The following PAXIP1 variants were observed in gnomAD, a reference collection of about 807,000 sequenced individuals.
PAXIP1 encodes the protein PAX interacting protein 1.
Under a neutral mutation model 140.6 loss-of-function variants are expected in PAXIP1, and 19 were observed. The observed-to-expected ratio is 0.14, with a 90% CI of 0.09 to 0.20. The LOEUF is 0.20. PAXIP1 is among the 10% of genes least tolerant of loss of function. The pLI is 1.00. For synonymous variants in PAXIP1, 442 were observed against 444.6 expected (o/e 0.99, Z 0.07); for missense variants, 920 against 1,208.6 (o/e 0.76, Z 3.54).
chr7:154,952,579 G>A (rs1184980753), intron 16 of PAXIP1, among the ~76,000 whole-genome samples: 1 of 152,162 alleles, frequency 6.6e-6, no homozygotes, highest in Non-Finnish European at 1.5e-5. Context: ...ACAGTGCTGT[G>A]GATCATGAGT....
chr7:154,997,093 C>T (rs1810667209), intron 2 of PAXIP1, among the ~76,000 whole-genome samples: 1 of 152,204 alleles, frequency 6.6e-6, no homozygotes, highest in South Asian at 2.1e-4. Context: ...GAGACAAAAA[C>T]ATGTTCCAAA....
intron 5 of PAXIP1, among the ~76,000 whole-genome samples, chr7:154,978,045 C>T (rs1452578163): frequency 1.3e-5 from 2 of 151,672 alleles, no homozygotes; most frequent in African/African-American, 2.4e-5. Flanking sequence ...TAATAACTGG[C>T]AATCTTTTAC....
intron 3 of PAXIP1, among the ~76,000 whole-genome samples, chr7:154,992,550 G>A (rs1161956588): frequency 2.0e-5 from 3 of 151,080 alleles, no homozygotes; most frequent in African/African-American, 4.9e-5. Flanking sequence ...AGCCGAGATC[G>A]TGCCACTGGA....
intron 6 of PAXIP1, among the ~76,000 whole-genome samples, chr7:154,970,647 A>G (rs1253811422): frequency 6.6e-6 from 1 of 152,244 alleles, no homozygotes; most frequent in East Asian, 1.9e-4. Context: ...CACCCCATGG[A>G]GCCCAGCAGC....
chr7:154,992,966 C>T (rs536877420), intron 3 of PAXIP1, among the ~76,000 whole-genome samples: 1 of 152,316 alleles, frequency 6.6e-6, no homozygotes, highest in Non-Finnish European at 1.5e-5. Flanking sequence ...TAAAATAGAG[C>T]ACATGACATA....
At chr7:154,957,097 C>A in intron 14 of PAXIP1, 127 bp downstream of exon 14, 2 of 550,430 alleles carry the variant, frequency 3.6e-6, no homozygotes, top group Non-Finnish European at 6.5e-6. Context: ...AGTTGTAAAG[C>A]AAAAAGCAAA....
At chr7:154,989,404 T>C (rs1343341640) in intron 4 of PAXIP1, among the ~76,000 whole-genome samples, 1 of 152,206 alleles carries the variant, frequency 6.6e-6, no homozygotes, top group Non-Finnish European at 1.5e-5. Context: ...AACTTGAATG[T>C]GCCCTTTTCT....
intron 1 of PAXIP1, chr7:155,000,271 G>T (rs144548042): frequency 6.6e-6 from 1 of 152,146 alleles, no homozygotes; most frequent in African/African-American, 2.4e-5. Context: ...AAAAAACAGC[G>T]GTCACTGGCC....
intron 6 of PAXIP1, among the ~76,000 whole-genome samples, chr7:154,970,029 C>A (rs919236199): frequency 1.3e-5 from 2 of 152,138 alleles, no homozygotes; most frequent in Non-Finnish European, 2.9e-5. Flanking sequence ...AGGAGAAGGA[C>A]GGTGACCAGC....
chr7:154,976,451 A>G (rs1380952785), intron 5 of PAXIP1, 120 bp from the exon 6 acceptor site: 3 of 1,372,094 alleles, frequency 2.2e-6, no homozygotes, highest in African/African-American at 1.4e-5. Flanking sequence ...AGCAACTATT[A>G]TTACAATTTT....
intron 11 of PAXIP1, 59 bp from the exon 12 acceptor site, chr7:154,961,136 A>G: frequency 7.9e-7 from 1 of 1,261,152 alleles, no homozygotes; most frequent in South Asian, 1.6e-5. Flanking sequence ...CAACTGTCCA[A>G]ATGTACATTT....
Position 154,972,278 on chromosome 7 carries a change from G to T in PAXIP1, c.1075-3152C>A, listed in dbSNP as rs567574049. On this transcript the variant is annotated intron_variant, in intron 6 of 20. Transcript: ENST00000404141. Reference sequence around the variant, plus strand: ...GAGGTAGGCAGATCACCTGAAGTCAGGAGTTCGAGACCAGCCTGGCCAACA... The same window carrying T: ...GAGGTAGGCAGATCACCTGAAGTCATGAGTTCGAGACCAGCCTGGCCAACA... Among the ~76,000 whole-genome samples the T allele has an allele frequency of 4.6e-5, 7 of 152,318 alleles. No homozygotes were observed. In the South Asian group the frequency reaches 1.4e-3, roughly 32 times the overall value.
At chr7:154,947,011 T>C (rs1343402827) in intron 17 of PAXIP1, 198 bp from the exon 18 acceptor site, 3 of 491,042 alleles carry the variant, frequency 6.1e-6, no homozygotes, top group African/African-American at 5.8e-5. Context: ...TGTAAGCATT[T>C]TCACATGTTA....
intron 8 of PAXIP1, among the ~76,000 whole-genome samples, chr7:154,966,277 C>T (rs1328665177): frequency 6.6e-6 from 1 of 152,176 alleles, no homozygotes; most frequent in Non-Finnish European, 1.5e-5. Context: ...CTCCCGAAAT[C>T]ACCCAGACTC....
In PAXIP1 at chr7:154,960,930, T is replaced by C. The variant is rs768331043; in HGVS notation, c.2397A>G (p.Pro799=). Residue 799 remains proline, a synonymous_variant, in exon 12 of 21, where the codon CCA becomes CCG. Coordinates refer to ENST00000404141, the MANE Select transcript of PAXIP1 (RefSeq NM_007349.4). ...SRYTAFSLQD[P]FAPTQHLVLN... is the part of the protein sequence containing the mutation. The stretch of plus-strand genomic sequence containing the variant: ...AAACTAAATGCTGGGTAGGGGCAAA[T>C]GGATCCTGCAGACTGAATGCCGTGT... 4 of 1,600,654 alleles carry C rather than the reference T, an allele frequency of 2.5e-6. No homozygotes were observed. The highest frequency in any genetic ancestry group is 2.6e-6 in the Non-Finnish European group (3 of 1,173,860).
At chr7:154,960,042 A>AC in intron 12 of PAXIP1, 109 bp from the exon 13 acceptor site, 1 of 732,440 alleles carries the variant, frequency 1.4e-6, no homozygotes, top group Admixed American at 2.1e-5. Flanking sequence ...GGTTTAGCTG[A>AC]CAACACTTAA....
intron 5 of PAXIP1, among the ~76,000 whole-genome samples, chr7:154,977,512 A>T (rs1426148715): frequency 6.6e-6 from 1 of 152,228 alleles, no homozygotes; most frequent in Non-Finnish European, 1.5e-5. Context: ...GGCATTGCCC[A>T]TCTGGGAGAT....
chr7:154,978,655 A>G (rs1375100064), intron 5 of PAXIP1, among the ~76,000 whole-genome samples: 1 of 152,234 alleles, frequency 6.6e-6, no homozygotes, highest in Admixed American at 6.5e-5. Flanking sequence ...ATATTTATGA[A>G]CCAATTAATA....
At chr7:155,003,272 G>A (rs953376408), upstream of PAXIP1, among the ~76,000 whole-genome samples, 3 of 151,806 alleles carry the variant, frequency 2.0e-5, no homozygotes, top group African/African-American at 4.8e-5. Flanking sequence ...GCCCGCTCTG[G>A]CCCTTGCGGT....
Sources: allele counts gnomAD v4.1 joint callset (sites outside exome capture counted in the v4.1 genomes callset), GRCh38; gene constraint gnomAD v4.1.1; transcripts MANE v1.5; gene names NCBI Gene and HGNC (gene_info 2026-07-23, HGNC 2026-07-21).